Variants in DNAH14 observed in about 807,000 individuals in gnomAD.
DNAH14 encodes the protein axonemal beta dynein heavy chain 14.
DNAH14 carries 478 observed loss-of-function variants against 520.9 expected under a neutral mutation model. The observed-to-expected ratio is 0.92, with a 90% CI of 0.85 to 0.99. DNAH14 has a LOEUF of 0.99. Ranked by LOEUF, DNAH14 falls within the 50% of genes least tolerant of loss-of-function variation. DNAH14 has a pLI of 0.00. For synonymous variants in DNAH14, 1,581 were observed against 1,757.2 expected (o/e 0.90, Z 2.51); for missense variants, 4,831 against 5,234.5 (o/e 0.92, Z 2.38).
intron 74 of DNAH14, among the ~76,000 whole-genome samples, chr1:225,359,223 A>G (rs2095466436): frequency 6.6e-6 from 1 of 152,244 alleles, no homozygotes; most frequent in Non-Finnish European, 1.5e-5. Context: ...ACAAAGAGGA[A>G]TAAAACCTCT....
At chr1:225,168,114 A>T in intron 36 of DNAH14, 86 bp downstream of exon 36, 1 of 781,080 alleles carries the variant, frequency 1.3e-6, no homozygotes, top group Non-Finnish European at 2.0e-6. Context: ...ATAATAAAAG[A>T]GAGCTGTTAC....
Position 225,305,043 on chromosome 1 carries a change from T to C in DNAH14, c.8959T>C (p.Phe2987Leu). ...PNSYLQFMETFAHILRAREEE... is the reference protein window; with the variant it reads ...PNSYLQFMETLAHILRAREEE... The stretch of plus-strand genomic sequence containing the variant: ...TAGCTACTTGCAATTTATGGAAACA[T>C]TTGCACACATTTTGAGGGCACGAGA... The change falls in exon 58 of 86, where the codon TTT (phenylalanine) becomes CTT (leucine). Residue 2987 changes from phenylalanine to leucine, a missense_variant. Coordinates refer to ENST00000682510, the MANE Select transcript of DNAH14 (RefSeq NM_001367479.1). The C allele has an allele frequency of 6.5e-7, 1 of 1,542,520 alleles. No individual in the cohort carries two copies. Among genetic ancestry groups the C allele is most frequent in the Non-Finnish European group, 8.7e-7 (1 of 1,145,060 alleles).
intron 81 of DNAH14, among the ~76,000 whole-genome samples, chr1:225,387,113 C>G (rs1310899891): frequency 6.6e-6 from 1 of 152,092 alleles, no homozygotes; most frequent in Non-Finnish European, 1.5e-5. Flanking sequence ...TGGAAACCAT[C>G]ATTCTGAGCA....
chr1:225,237,995 A>G (rs1270691018), intron 42 of DNAH14, among the ~76,000 whole-genome samples: 1 of 152,148 alleles, frequency 6.6e-6, no homozygotes, highest in East Asian at 1.9e-4. Context: ...TAAACTGGCT[A>G]TTCTGGTTAT....
In DNAH14 at chr1:225,086,846, C is replaced by G. The variant is rs1258601211; in HGVS notation, c.3573+1057C>G. ...TTTTTTAAAATTTAGAAGTAAGGAA[C>G]AGGAGAAAATCACATTTCAAACCTG... On this transcript the variant is annotated intron_variant, in intron 21 of 85. Transcript: ENST00000682510. Among the ~76,000 whole-genome samples, 9 of 152,262 alleles carry G rather than the reference C, an allele frequency of 5.9e-5. No homozygotes were observed. In the East Asian group the frequency reaches 1.5e-3, roughly 26 times the overall value.
Position 225,207,715 on chromosome 1 carries a change from A to G in DNAH14, c.6439+495A>G, listed in dbSNP as rs1480105. On this transcript the variant is annotated intron_variant, in intron 41 of 85. Coordinates refer to ENST00000682510, the MANE Select transcript of DNAH14 (RefSeq NM_001367479.1). Reference sequence around the variant, plus strand: ...ATACTGGTTTTATGCAGTTTTTGGTAAGATGGCAGATTAGCACAGGCTCCC... The same window carrying G: ...ATACTGGTTTTATGCAGTTTTTGGTGAGATGGCAGATTAGCACAGGCTCCC... Among the ~76,000 whole-genome samples the G allele has an allele frequency of 3.5e-3, 535 of 152,280 alleles. 3 individuals carry two copies. Among genetic ancestry groups the G allele is most frequent in the African/African-American group, 0.012 (518 of 41,564 alleles).
At position 225,358,539 on chromosome 1, in the gene DNAH14, A is replaced by C. The variant is rs1164748683; in HGVS notation, c.11663A>C (p.Lys3888Thr). ...GAAAGTTTAAACAATTCAGTGAGAA[A>C]GTTTATAACTGAAAAAATGGGAAAT... ...RPESLNNSVR[K>T]FITEKMGNKY... Residue 3888 changes from lysine (K) to threonine (T), a missense_variant, in exon 74 of 86, where the codon AAG (lysine) becomes ACG (threonine). Physicochemically the swap from Lys to Thr is moderately conservative, Grantham distance 78. Transcript: ENST00000682510. 3.9e-6 allele frequency: 6 copies of C among 1,543,862 alleles called. No homozygotes were observed. The highest frequency in any genetic ancestry group is 5.2e-6 in the Non-Finnish European group (6 of 1,143,878).
intron 19 of DNAH14, among the ~76,000 whole-genome samples, chr1:225,081,281 T>G (rs1183273033): frequency 6.6e-6 from 1 of 152,198 alleles, no homozygotes; most frequent in Non-Finnish European, 1.5e-5. Flanking sequence ...TAAAGACTCC[T>G]CCCCTATCAC....
At chr1:225,066,694 T>TA (rs1203927610) in intron 17 of DNAH14, among the ~76,000 whole-genome samples, 3 of 152,046 alleles carry the variant, frequency 2.0e-5, no homozygotes, top group Admixed American at 2.0e-4. Context: ...ATATTGTTCT[T>TA]ACGCCTTTGC....
rs2083712190 is a variant in DNAH14, at chr1:225,179,431, A to G, written c.5536-5860A>G. ...GGTTCTGAAAAATCATAGTTATAATAAGTTAAACTCATGACAACATAACTT... is the reference window on the plus strand; with the variant it reads ...GGTTCTGAAAAATCATAGTTATAATGAGTTAAACTCATGACAACATAACTT... On this transcript the variant is annotated intron_variant, in intron 36 of 85. Transcript: ENST00000682510. Among the ~76,000 whole-genome samples the G allele has an allele frequency of 2.0e-5, 3 of 152,210 alleles. No homozygotes were observed. In the South Asian group the frequency reaches 6.2e-4, roughly 31 times the overall value.
At chr1:225,036,442 A>G (rs1352682749) in intron 11 of DNAH14, among the ~76,000 whole-genome samples, 1 of 152,126 alleles carries the variant, frequency 6.6e-6, no homozygotes, top group East Asian at 1.9e-4. Context: ...GCCCAGACTA[A>G]GAGTTTTTAA....
rs150254891 is a variant in DNAH14 at position 224,992,032 on chromosome 1, A to G, written c.831-10751A>G. On this transcript the variant is annotated intron_variant, in intron 8 of 85. Coordinates refer to ENST00000682510, the MANE Select transcript of DNAH14 (RefSeq NM_001367479.1). Reference sequence around the variant, plus strand: ...TTGTGTATTCTTGACAACTTTGTCAAAAATCAGTTTGTACACGCATAGGTT... The same window carrying G: ...TTGTGTATTCTTGACAACTTTGTCAGAAATCAGTTTGTACACGCATAGGTT... Among the ~76,000 whole-genome samples the G allele has an allele frequency of 1.4e-4, 21 of 152,340 alleles. No individual in the cohort carries two copies. The East Asian group carries it at 3.9e-3, about 28-fold the overall frequency.
Position 225,360,750 on chromosome 1 carries a change from T to C in DNAH14, c.11846T>C (p.Ile3949Thr). The C allele has an allele frequency of 1.3e-6, 2 of 1,551,730 alleles. No individual in the cohort carries two copies. The highest frequency in any genetic ancestry group is 1.7e-6 in the Non-Finnish European group (2 of 1,146,994). Residue 3949 changes from isoleucine (I) to threonine (T), a missense_variant, in exon 75 of 86, where the codon ATA (isoleucine) becomes ACA (threonine). Ile to Thr is a moderately conservative substitution (Grantham distance 89, BLOSUM62 -1). Coordinates refer to ENST00000682510, the MANE Select transcript of DNAH14 (RefSeq NM_001367479.1). ...ELKGTTHHVT[I>T]ISLGRDQAAK... ...AAAGGAACAACACATCATGTGACCA[T>C]AATTTCTCTGGGCCGTGACCAAGCA... is the stretch of plus-strand genomic sequence containing the variant.
intron 64 of DNAH14, among the ~76,000 whole-genome samples, chr1:225,325,444 C>T (rs369947371): frequency 1.9e-4 from 28 of 150,246 alleles, no homozygotes; most frequent in African/African-American, 6.9e-4. Flanking sequence ...GAGATTGAAC[C>T]ATTACACTCC....
intron 62 of DNAH14, 61 bp downstream of exon 62, chr1:225,322,884 C>A: frequency 7.3e-7 from 1 of 1,369,916 alleles, no homozygotes; most frequent in Non-Finnish European, 9.8e-7. Context: ...TCAAACAGAC[C>A]ACCTGCCATC....
intron 17 of DNAH14, among the ~76,000 whole-genome samples, chr1:225,061,558 C>T (rs531355519): frequency 1.6e-3 from 247 of 152,360 alleles, no homozygotes; most frequent in Non-Finnish European, 2.7e-3. Flanking sequence ...GAGATGAACC[C>T]AGTACCTCAG....
chr1:225,281,307 A>G (rs1022883731), intron 54 of DNAH14, among the ~76,000 whole-genome samples: 2 of 152,106 alleles, frequency 1.3e-5, no homozygotes, highest in Admixed American at 1.3e-4. Context: ...AAAGCCAGCA[A>G]CATCACATCT....
chr1:225,203,369 G>T (rs567367502), intron 38 of DNAH14, among the ~76,000 whole-genome samples: 1 of 152,184 alleles, frequency 6.6e-6, no homozygotes, highest in Admixed American at 6.5e-5. Flanking sequence ...TGTGATGAGG[G>T]TGGGAATTAG....
intron 44 of DNAH14, among the ~76,000 whole-genome samples, chr1:225,254,556 T>C (rs971909346): frequency 6.6e-6 from 1 of 152,142 alleles, no homozygotes; most frequent in African/African-American, 2.4e-5. Flanking sequence ...ATTGGCTACT[T>C]TTTGTCACTT....
Sources: gnomAD v4.1 joint callset for allele counts (sites outside exome capture counted in the v4.1 genomes callset) on GRCh38, gnomAD v4.1.1 for gene constraint, MANE v1.5 for transcripts, NCBI Gene and HGNC (gene_info 2026-07-23, HGNC 2026-07-21) for gene names.